Variants in WNK3 observed in about 807,000 individuals in gnomAD.
WNK3 encodes serine/threonine-protein kinase WNK3.
A neutral mutation model predicts 116.7 loss-of-function variants in WNK3; 18 were observed. The observed-to-expected ratio is 0.15, with a 90% CI of 0.11 to 0.23. The LOEUF (loss-of-function observed/expected upper bound fraction) is 0.23, where lower values mean the gene tolerates loss of function less well. WNK3 is among the 10% of genes least tolerant of loss of function. The probability of loss-of-function intolerance (pLI) is 1.00; values close to 1 mark genes in which losing one functional copy is unlikely to be tolerated. For missense variants in WNK3, 993 were observed against 1,323.8 expected (o/e 0.75, Z 3.88); for synonymous variants, 404 against 469.4 (o/e 0.86, Z 1.80).
At chrX:54,301,709 C>A in intron 6 of WNK3, 62 bp downstream of exon 6, 1 of 1,028,293 alleles carries the variant, frequency 9.7e-7, no homozygotes. Context: ...GAAAACGACC[C>A]AATGCAAGAT....
chrX:54,301,983 T>C (rs1339324204), intron 5 of WNK3, 124 bp from the exon 6 acceptor site: 1 of 507,944 alleles, frequency 2.0e-6, no homozygotes, highest in Admixed American at 3.4e-5. Context: ...TATTTAAATA[T>C]ACATGTGTAT....
Position 54,342,435 on chromosome X carries a change from G to A in WNK3, c.-119-8643C>T, listed in dbSNP as rs782620591. On this transcript the variant is annotated intron_variant, in intron 1 of 23. Transcript: ENST00000354646. ...ACAAAAATTAGCTGGGCGTGGTGGCGGGCACCTGTAATTCCAGCTACTTGG... is the reference window on the plus strand; with the variant it reads ...ACAAAAATTAGCTGGGCGTGGTGGCAGGCACCTGTAATTCCAGCTACTTGG... 2.8e-5 allele frequency among the ~76,000 whole-genome samples: 3 copies of A among 107,331 alleles called. No individual in the cohort carries two copies. In the East Asian group the frequency reaches 8.9e-4, roughly 32 times the overall value. 93.2% of individuals were successfully genotyped at this position (107,331 alleles called of 115,157 possible).
At chrX:54,243,073 T>C (rs1330041294) in intron 17 of WNK3, among the ~76,000 whole-genome samples, 3 of 110,019 alleles carry the variant, frequency 2.7e-5, no homozygotes, top group African/African-American at 9.9e-5. Flanking sequence ...TTGGCTTCCC[T>C]AAATCCTGGG....
At chrX:54,205,654 A>C (rs1283537872) in intron 22 of WNK3, among the ~76,000 whole-genome samples, 1 of 112,057 alleles carries the variant, frequency 8.9e-6, no homozygotes, top group Non-Finnish European at 1.9e-5. Context: ...ACAATGTGCC[A>C]TATGAAAAGG....
chrX:54,230,893 A>G (rs1258652701), intron 21 of WNK3, among the ~76,000 whole-genome samples: 1 of 112,596 alleles, frequency 8.9e-6, no homozygotes, highest in Non-Finnish European at 1.9e-5. Context: ...TTCTCTGGCC[A>G]TGCTTACTTA....
chrX:54,319,191 G>C (rs1377592613), intron 2 of WNK3, among the ~76,000 whole-genome samples: 1 of 110,393 alleles, frequency 9.1e-6, no homozygotes, highest in Non-Finnish European at 1.9e-5. Context: ...GAGACAGGGT[G>C]TCACTCTGTC....
At chrX:54,271,679 C>T (rs1264186405) in intron 10 of WNK3, among the ~76,000 whole-genome samples, 2 of 112,028 alleles carry the variant, frequency 1.8e-5, no homozygotes, top group African/African-American at 6.5e-5. Context: ...TTGCTATCCT[C>T]CCAAAACAAC....
chrX:54,314,996 G>A (rs2068935736), intron 2 of WNK3, among the ~76,000 whole-genome samples: 1 of 110,214 alleles, frequency 9.1e-6, no homozygotes, highest in Non-Finnish European at 1.9e-5. Flanking sequence ...GACAACACAT[G>A]TAGAAGACTT....
chrX:54,314,210 A>AC (rs2068924460), intron 2 of WNK3, among the ~76,000 whole-genome samples: 1 of 108,392 alleles, frequency 9.2e-6, no homozygotes, highest in Admixed American at 1.0e-4. Context: ...AAAACAAAAA[A>AC]AAAAAAAACA....
Position 54,277,344 on chromosome X carries a change from C to CTT in WNK3, c.2037+15542_2037+15543dup, listed in dbSNP as rs1242871853. ...GGAGATTATATGATTTTCTTTTTTT[C>CTT]TTTTTTTTTTTTGAGACGGAGTCTT... On this transcript the variant is annotated intron_variant, in intron 10 of 23. Coordinates refer to ENST00000354646, the Ensembl canonical transcript of WNK3. Among the ~76,000 whole-genome samples the CTT allele has an allele frequency of 1.9e-3, 195 of 102,742 alleles. 2 individuals carry two copies. Among genetic ancestry groups the CTT allele is most frequent in the African/African-American group, 6.4e-3 (184 of 28,571 alleles). The allele number at this position is 102,742 out of a possible 115,157, so 89.2% of individuals were successfully genotyped here.
At chrX:54,213,173 A>T (rs1264670265) in intron 22 of WNK3, among the ~76,000 whole-genome samples, 1 of 109,213 alleles carries the variant, frequency 9.2e-6, no homozygotes, top group African/African-American at 3.3e-5. Context: ...TTTTGTAGAT[A>T]TGGGGTGTCA....
At chrX:54,346,051 TTA>T in intron 1 of WNK3, among the ~76,000 whole-genome samples, 1 of 107,745 alleles carries the variant, frequency 9.3e-6, no homozygotes, top group Middle Eastern at 4.8e-3. Context: ...TTTTTTATTT[TTA>T]TATCTTATAT....
intron 10 of WNK3, among the ~76,000 whole-genome samples, chrX:54,277,950 G>A (rs1327955435): frequency 3.7e-5 from 4 of 109,423 alleles, no homozygotes; most frequent in Non-Finnish European, 5.7e-5. Context: ...AAAATTAGCC[G>A]GGCATGGTGG....
At chrX:54,269,513 A>G (rs1376181644) in intron 10 of WNK3, among the ~76,000 whole-genome samples, 2 of 111,880 alleles carry the variant, frequency 1.8e-5, no homozygotes, top group African/African-American at 3.2e-5. Context: ...GTCTGGCAAT[A>G]TAAGGTATGG....
At chrX:54,252,065 CAAAAAAAAAA>C (rs782229094) in intron 13 of WNK3, among the ~76,000 whole-genome samples, 2 of 29,924 alleles carry the variant, frequency 6.7e-5, no homozygotes, top group Non-Finnish European at 1.3e-4. Flanking sequence ...AACTCTGTCT[CAAAAAAAAAA>C]AAAAAAAGAA....
intron 18 of WNK3, 25 bp downstream of exon 18, chrX:54,238,843 A>G: frequency 2.8e-6 from 3 of 1,069,587 alleles, no homozygotes; most frequent in Non-Finnish European, 3.7e-6. Context: ...TACCTAGTCT[A>G]TGTCCCTGAC....
At chrX:54,304,074 T>C (rs1273376450) in intron 5 of WNK3, among the ~76,000 whole-genome samples, 7 of 112,011 alleles carry the variant, frequency 6.2e-5, no homozygotes, top group Non-Finnish European at 1.3e-4. Flanking sequence ...CGTGTAACCA[T>C]CACCAGTTTC....
intron 17 of WNK3, among the ~76,000 whole-genome samples, chrX:54,244,106 G>A (rs2068051614): frequency 9.0e-6 from 1 of 111,495 alleles, no homozygotes; most frequent in South Asian, 3.8e-4. Flanking sequence ...CTGCTTAATG[G>A]GTATGAAGTT....
chrX:54,278,213 A>G (rs782595463), intron 10 of WNK3, among the ~76,000 whole-genome samples: 2 of 111,303 alleles, frequency 1.8e-5, no homozygotes, highest in African/African-American at 6.5e-5. Flanking sequence ...CAAAATGCTG[A>G]TGAAAGAAAT....
Sources: gnomAD v4.1 joint callset for allele counts (sites outside exome capture counted in the v4.1 genomes callset) on GRCh38, gnomAD v4.1.1 for gene constraint, MANE v1.5 for transcripts, NCBI Gene and HGNC (gene_info 2026-07-23, HGNC 2026-07-21) for gene names.